Variants in MCUB observed in about 807,000 individuals in gnomAD.
MCUB encodes the protein mitochondrial calcium uniporter dominant negative subunit beta.
In MCUB, 46 loss-of-function variants were observed where a neutral mutation model predicts 41.4. The observed-to-expected ratio is 1.11, with a 90% CI of 0.88 to 1.42. The LOEUF is 1.42. Among genes scored for constraint, MCUB ranks in the 40% most tolerant of loss-of-function variants. MCUB has a pLI of 0.00. For missense variants in MCUB, 403 were observed against 404.9 expected (o/e 1.00, Z 0.04); for synonymous variants, 148 against 148.2 (o/e 1.00, Z 0.01).
intron 1 of MCUB, among the ~76,000 whole-genome samples, chr4:109,658,725 A>G (rs1406434233): frequency 6.6e-6 from 1 of 152,198 alleles, no homozygotes; most frequent in East Asian, 1.9e-4. Context: ...AAATACTGAA[A>G]GTAAAAATTC....
intron 1 of MCUB, among the ~76,000 whole-genome samples, chr4:109,645,753 A>G (rs1442142173): frequency 2.0e-5 from 3 of 152,084 alleles, no homozygotes; most frequent in Admixed American, 2.0e-4. Context: ...TCTTCCCACC[A>G]TAAAATCTGT....
intron 1 of MCUB, among the ~76,000 whole-genome samples, chr4:109,634,324 A>G (rs905372906): frequency 1.3e-5 from 2 of 151,938 alleles, no homozygotes; most frequent in African/African-American, 4.8e-5. Flanking sequence ...CTCTACTAAA[A>G]ATACAAAATT....
chr4:109,629,970 C>T (rs1214246264), intron 1 of MCUB, among the ~76,000 whole-genome samples: 1 of 152,208 alleles, frequency 6.6e-6, no homozygotes, highest in Non-Finnish European at 1.5e-5. Flanking sequence ...CTTGGTCCTT[C>T]TAGTGAGTAG....
chr4:109,562,197 C>T (rs781619471), intron 1 of MCUB, among the ~76,000 whole-genome samples: 2 of 152,158 alleles, frequency 1.3e-5, no homozygotes, highest in Non-Finnish European at 2.9e-5. Flanking sequence ...CCATTGCATA[C>T]CTCAGCAGGA....
At chr4:109,599,960 G>A (rs757145949) in intron 1 of MCUB, among the ~76,000 whole-genome samples, 6 of 152,254 alleles carry the variant, frequency 3.9e-5, no homozygotes, top group Middle Eastern at 6.8e-3. Context: ...ATGAGCCACC[G>A]CACCCCATGT....
chr4:109,610,733 G>A (rs1727992315), intron 1 of MCUB, among the ~76,000 whole-genome samples: 1 of 152,096 alleles, frequency 6.6e-6, no homozygotes, highest in African/African-American at 2.4e-5. Flanking sequence ...AAACCTAGAT[G>A]GCATAGCCTG....
intron 4 of MCUB, chr4:109,673,940 G>A: frequency 1.3e-6 from 1 of 793,110 alleles, no homozygotes; most frequent in Non-Finnish European, 2.3e-6. Context: ...GTACCCATTG[G>A]AATAGCAGGT....
chr4:109,625,820 C>T (rs902755061), intron 1 of MCUB, among the ~76,000 whole-genome samples: 1 of 152,144 alleles, frequency 6.6e-6, no homozygotes, highest in Non-Finnish European at 1.5e-5. Flanking sequence ...AGTATCTCAT[C>T]GTTCTGAGGA....
rs368226696 is a variant in MCUB, at chr4:109,612,930, T to C, written c.100-46081T>C. On this transcript the variant is annotated intron_variant, in intron 1 of 7. Transcript: ENST00000394650. ...GACCATCCTGGCTAACACGGTGAAATCCCGTCTCTACTAAAAATATAAAAA... is the reference window on the plus strand; with the variant it reads ...GACCATCCTGGCTAACACGGTGAAACCCCGTCTCTACTAAAAATATAAAAA... Among the ~76,000 whole-genome samples the C allele has an allele frequency of 9.0e-3, 1,367 of 151,740 alleles. 15 individuals carry two copies. Among genetic ancestry groups the C allele is most frequent in the African/African-American group, 0.026 (1,068 of 41,420 alleles).
Position 109,684,224 on chromosome 4 carries a change from G to A in MCUB, c.613-219G>A, listed in dbSNP as rs572921808. Among the ~76,000 whole-genome samples the A allele has an allele frequency of 1.2e-3, 179 of 151,950 alleles. 1 individual carries two copies. Among genetic ancestry groups the A allele is most frequent in the African/African-American group, 3.8e-3 (157 of 41,454 alleles). Reference sequence around the variant, plus strand: ...ACTACAGGCGCCTGCCACCATGCCCGGCTAATTTTTTGTATTTTTAGTAGA... The same window carrying A: ...ACTACAGGCGCCTGCCACCATGCCCAGCTAATTTTTTGTATTTTTAGTAGA... On this transcript the variant is annotated intron_variant, in intron 5 of 7. Transcript: ENST00000394650.
At chr4:109,669,191 A>G (rs1729405158) in intron 4 of MCUB, among the ~76,000 whole-genome samples, 1 of 152,126 alleles carries the variant, frequency 6.6e-6, no homozygotes. Flanking sequence ...ACTTCTTTTA[A>G]TATTTCTTGC....
intron 1 of MCUB, among the ~76,000 whole-genome samples, chr4:109,561,644 C>A (rs1277184273): frequency 6.6e-6 from 1 of 152,196 alleles, no homozygotes; most frequent in African/African-American, 2.4e-5. Context: ...AAAGGTTGTA[C>A]TTTTACTGTA....
rs545023726 is a variant in MCUB, at chr4:109,613,154, A to G, written c.100-45857A>G. 7.9e-5 allele frequency among the ~76,000 whole-genome samples: 12 copies of G among 152,290 alleles called. No individual in the cohort carries two copies. The East Asian group carries it at 2.3e-3, about 29-fold the overall frequency. On this transcript the variant is annotated intron_variant, in intron 1 of 7. Transcript: ENST00000394650. ...GAATTAAAAAATATATCAGCCCACA[A>G]GGATAAAGAGATTGGGAAAGAAGAC...
chr4:109,575,349 A>ATG (rs1727002283), intron 1 of MCUB, among the ~76,000 whole-genome samples: 1 of 152,194 alleles, frequency 6.6e-6, no homozygotes, highest in Non-Finnish European at 1.5e-5. Flanking sequence ...TGATATTATT[A>ATG]ATCTTTCTGT....
intron 1 of MCUB, among the ~76,000 whole-genome samples, chr4:109,658,299 G>T (rs560462496): frequency 2.0e-5 from 3 of 151,706 alleles, no homozygotes; most frequent in Non-Finnish European, 2.9e-5. Context: ...CTGTGATTCT[G>T]CATTTTTTTT....
chr4:109,657,885 C>T (rs552438649), intron 1 of MCUB, among the ~76,000 whole-genome samples: 61 of 152,384 alleles, frequency 4.0e-4, no homozygotes, highest in African/African-American at 1.4e-3. Context: ...TATGCTATTC[C>T]TGCGCTTTTG....
At position 109,649,502 on chromosome 4, in the gene MCUB, T is replaced by G. The variant is rs1728912713; in HGVS notation, c.100-9509T>G. 2.0e-5 allele frequency among the ~76,000 whole-genome samples: 3 copies of G among 152,208 alleles called. No homozygotes were observed. In the South Asian group the frequency reaches 6.2e-4, roughly 32 times the overall value. On this transcript the variant is annotated intron_variant, in intron 1 of 7. Transcript: ENST00000394650. The stretch of plus-strand genomic sequence containing the variant: ...TCAGTCTCAGTTTTGTTCAAAATGG[T>G]AGGTTATCTGACTATAGAATTCAAG...
At chr4:109,567,288 A>G (rs975879063) in intron 1 of MCUB, among the ~76,000 whole-genome samples, 5 of 152,110 alleles carry the variant, frequency 3.3e-5, no homozygotes, top group Admixed American at 6.5e-5. Context: ...ACAGTAAATA[A>G]TGAATGCCCT....
intron 7 of MCUB, among the ~76,000 whole-genome samples, chr4:109,686,934 G>A (rs141670938): frequency 4.2e-4 from 63 of 150,922 alleles, no homozygotes; most frequent in African/African-American, 1.5e-3. Context: ...TAATAAAGTG[G>A]AGATAAAAAG....
Sources: gnomAD v4.1 joint callset for allele counts (sites outside exome capture counted in the v4.1 genomes callset) on GRCh38, gnomAD v4.1.1 for gene constraint, MANE v1.5 for transcripts, NCBI Gene and HGNC (gene_info 2026-07-23, HGNC 2026-07-21) for gene names.